Variants in SH3GL3 observed in about 807,000 individuals in gnomAD.
SH3GL3 encodes the protein endophilin-A3.
A neutral mutation model predicts 47.7 loss-of-function variants in SH3GL3; 33 were observed. The observed-to-expected ratio is 0.69, with a 90% confidence interval of 0.52 to 0.92. SH3GL3 has a LOEUF of 0.92. SH3GL3 is among the 40% of genes least tolerant of loss of function. The pLI is 0.00. For missense variants in SH3GL3, 363 were observed against 417.8 expected (o/e 0.87, Z 1.14); for synonymous variants, 155 against 148.8 (o/e 1.04, Z -0.30).
intron 1 of SH3GL3, among the ~76,000 whole-genome samples, chr15:83,449,464 T>G (rs540598461): frequency 2.6e-5 from 4 of 152,298 alleles, no homozygotes; most frequent in African/African-American, 9.6e-5. Context: ...GAAATGAACC[T>G]CCTCTTTTGA....
At chr15:83,591,867 A>G (rs1281007428) in intron 8 of SH3GL3, among the ~76,000 whole-genome samples, 1 of 151,772 alleles carries the variant, frequency 6.6e-6, no homozygotes, top group Non-Finnish European at 1.5e-5. Flanking sequence ...TTGTATTTTT[A>G]ATAGGGACGG....
chr15:83,568,229 C>T (rs150436109), intron 3 of SH3GL3, among the ~76,000 whole-genome samples: 9 of 152,196 alleles, frequency 5.9e-5, no homozygotes, highest in East Asian at 1.9e-4. Flanking sequence ...GGTGATCTGC[C>T]GGCCTCGGCC....
At chr15:83,508,153 G>C (rs1201080096) in intron 1 of SH3GL3, among the ~76,000 whole-genome samples, 1 of 151,976 alleles carries the variant, frequency 6.6e-6, no homozygotes, top group African/African-American at 2.4e-5. Context: ...TGTTGGCTAG[G>C]ATGGTCTCGA....
At chr15:83,584,588 G>A (rs1052807337) in intron 6 of SH3GL3, among the ~76,000 whole-genome samples, 8 of 152,084 alleles carry the variant, frequency 5.3e-5, no homozygotes, top group East Asian at 1.9e-4. Context: ...AACCTACATG[G>A]AAGTCAGCTT....
At chr15:83,592,290 A>G (rs958067349) in intron 8 of SH3GL3, among the ~76,000 whole-genome samples, 1 of 152,168 alleles carries the variant, frequency 6.6e-6, no homozygotes, top group Non-Finnish European at 1.5e-5. Context: ...TTTTTGTTAA[A>G]TAAATATTCA....
intron 5 of SH3GL3, among the ~76,000 whole-genome samples, chr15:83,573,506 T>C (rs1436137846): frequency 6.6e-6 from 1 of 152,214 alleles, no homozygotes; most frequent in Non-Finnish European, 1.5e-5. Context: ...AGCAAGTCTG[T>C]GTTTTATAAA....
chr15:83,487,964 C>T (rs759382529), intron 1 of SH3GL3: 1 of 151,694 alleles, frequency 6.6e-6, no homozygotes, highest in Admixed American at 6.6e-5. Context: ...CAACCTTCGC[C>T]TCCTGGGTTC....
At position 83,595,601 on chromosome 15, in the gene SH3GL3, C is replaced by T. The variant is rs188669293; in HGVS notation, c.838+6830C>T. On this transcript the variant is annotated intron_variant, in intron 8 of 8. Transcript: ENST00000427482. ...GGCTGAGGCAGTATTTGTCAGCTCT[C>T]TGTAAAGTTACTCCTTGTTTTTTTT... Among the ~76,000 whole-genome samples the T allele has an allele frequency of 1.4e-4, 19 of 138,888 alleles. No homozygotes were observed. In the East Asian group the frequency reaches 3.8e-3, roughly 28 times the overall value. The allele number at this position is 138,888 out of a possible 152,430, so 91.1% of individuals were successfully genotyped here. A position where few individuals can be genotyped will look rare whatever the true frequency, so the allele number is the denominator to read the frequency against.
intron 8 of SH3GL3, among the ~76,000 whole-genome samples, chr15:83,592,937 CAA>C (rs66650179): frequency 5.3e-5 from 8 of 150,338 alleles, no homozygotes; most frequent in Non-Finnish European, 1.2e-4. Flanking sequence ...AAAGAACAAA[CAA>C]AAAAAAAACA....
At chr15:83,469,641 T>C (rs1468339354) in intron 1 of SH3GL3, among the ~76,000 whole-genome samples, 2 of 152,216 alleles carry the variant, frequency 1.3e-5, no homozygotes, top group Non-Finnish European at 2.9e-5. Context: ...TTGTTATTGA[T>C]TTCTACTTTG....
At chr15:83,474,753 C>G (rs1190812917) in intron 1 of SH3GL3, among the ~76,000 whole-genome samples, 1 of 152,024 alleles carries the variant, frequency 6.6e-6, no homozygotes, top group East Asian at 1.9e-4. Flanking sequence ...GAGCGCTTGC[C>G]CATGTGCTGT....
chr15:83,607,902 AC>A (rs1156846111), intron 8 of SH3GL3, among the ~76,000 whole-genome samples: 1 of 151,352 alleles, frequency 6.6e-6, no homozygotes, highest in Non-Finnish European at 1.5e-5. Flanking sequence ...AACAAAAAAA[AC>A]AACCCACACA....
chr15:83,494,304 G>A (rs1432281081), intron 1 of SH3GL3, among the ~76,000 whole-genome samples: 1 of 152,196 alleles, frequency 6.6e-6, no homozygotes, highest in Non-Finnish European at 1.5e-5. Flanking sequence ...GTTGGGTGAG[G>A]GTGGCCATGG....
At chr15:83,508,326 TATG>T (rs1175417614) in intron 1 of SH3GL3, among the ~76,000 whole-genome samples, 5 of 152,052 alleles carry the variant, frequency 3.3e-5, no homozygotes, top group Non-Finnish European at 5.9e-5. Context: ...GGACGCCGGC[TATG>T]TAGATATCTG....
intron 1 of SH3GL3, among the ~76,000 whole-genome samples, chr15:83,470,839 C>T (rs554613873): frequency 2.6e-5 from 4 of 152,140 alleles, no homozygotes; most frequent in African/African-American, 9.6e-5. Flanking sequence ...TGTATACATA[C>T]ACACACACGT....
intron 5 of SH3GL3, among the ~76,000 whole-genome samples, chr15:83,575,322 C>CACAT (rs1456760134): frequency 6.6e-6 from 1 of 152,226 alleles, no homozygotes; most frequent in Non-Finnish European, 1.5e-5. Context: ...CAACCACAGA[C>CACAT]ACATATGTGG....
At chr15:83,587,895 G>A (rs954037038) in intron 7 of SH3GL3, among the ~76,000 whole-genome samples, 2 of 152,092 alleles carry the variant, frequency 1.3e-5, no homozygotes, top group East Asian at 3.9e-4. Flanking sequence ...AATCAATGAC[G>A]TAGTTACCTA....
chr15:83,461,858 A>G (rs943513559), intron 1 of SH3GL3, among the ~76,000 whole-genome samples: 1 of 152,164 alleles, frequency 6.6e-6, no homozygotes, highest in Non-Finnish European at 1.5e-5. Flanking sequence ...CTCAGGACAA[A>G]TCTGATAAAA....
At chr15:83,575,485 T>C (rs1426648706) in intron 5 of SH3GL3, among the ~76,000 whole-genome samples, 2 of 152,244 alleles carry the variant, frequency 1.3e-5, no homozygotes, top group Non-Finnish European at 2.9e-5. Flanking sequence ...ATGTGGATGA[T>C]GGAAAGTTAA....
Sources: gnomAD v4.1 joint callset for allele counts (sites outside exome capture counted in the v4.1 genomes callset) on GRCh38, gnomAD v4.1.1 for gene constraint, MANE v1.5 for transcripts, NCBI Gene and HGNC (gene_info 2026-07-23, HGNC 2026-07-21) for gene names.